CLRN1: variants seen among roughly 807,000 people sequenced by gnomAD.
The protein encoded by CLRN1 is clarin 1.
In CLRN1, 15 loss-of-function variants were observed where a neutral mutation model predicts 18.7. That is an observed-to-expected ratio of 0.80 (90% CI 0.54 to 1.23). The LOEUF is 1.23. CLRN1 is among the 50% of genes most tolerant of loss of function. The pLI is 0.00. For missense variants in CLRN1, 311 were observed against 277.5 expected (o/e 1.12, Z -0.86); for synonymous variants, 104 against 102.9 (o/e 1.01, Z -0.07).
chr3:150,965,685 A>T (rs1266830540), intron 1 of CLRN1, among the ~76,000 whole-genome samples: 3 of 152,172 alleles, frequency 2.0e-5, no homozygotes, highest in Non-Finnish European at 4.4e-5. Context: ...CAGGAGTGCC[A>T]CTTAGAACCT....
At chr3:150,964,828 C>T (rs1227084251) in intron 1 of CLRN1, among the ~76,000 whole-genome samples, 1 of 152,068 alleles carries the variant, frequency 6.6e-6, no homozygotes, top group Non-Finnish European at 1.5e-5. Context: ...CATGTTCTCA[C>T]TCATAAGTGG....
At chr3:150,952,413 T>G (rs536944877) in intron 1 of CLRN1, among the ~76,000 whole-genome samples, 139 of 152,328 alleles carry the variant, frequency 9.1e-4, no homozygotes, top group African/African-American at 3.3e-3. Context: ...GTAGGCAATG[T>G]GCGTCCTGAG....
At position 150,928,201 on chromosome 3, in the gene CLRN1, C is replaced by A. The variant is rs765085056; in HGVS notation, c.434G>T (p.Gly145Val). 1 of 1,613,920 alleles carries A rather than the reference C, an allele frequency of 6.2e-7. No individual in the cohort carries two copies. Among genetic ancestry groups the A allele is most frequent in the Non-Finnish European group, 8.5e-7 (1 of 1,179,972 alleles). The change falls in exon 3 of 3, where the codon GGC becomes GTC. Residue 145 changes from glycine (G) to valine (V), a missense_variant and splice_region_variant. Gly to Val is a moderately radical substitution (Grantham distance 109). Coordinates refer to ENST00000327047, the MANE Select transcript of CLRN1 (RefSeq NM_174878.3). ...TATCATGACAAGACAGCCACAGGAGCCTGCAACAGAAGAAACAAGGTGTTG... is the reference window on the plus strand; with the variant it reads ...TATCATGACAAGACAGCCACAGGAGACTGCAACAGAAGAAACAAGGTGTTG... ...LGLYLLSFIS[G>V]SCGCLVMILF... is the part of the protein sequence containing the mutation.
Position 150,927,888 on chromosome 3 carries a change from G to T in CLRN1, c.*48C>A. ...TGCAAAATTAACCACATCTAAAAGT[G>T]ACCAAAGCAAGTCTACTCCCTTGTA... On this transcript the variant is annotated 3_prime_UTR_variant, in exon 3 of 3. Coordinates refer to ENST00000327047, the MANE Select transcript of CLRN1 (RefSeq NM_174878.3). 2 of 1,609,896 alleles carry T rather than the reference G, an allele frequency of 1.2e-6. No homozygotes were observed. The highest frequency in any genetic ancestry group is 2.2e-5 in the South Asian group (2 of 90,802).
chr3:150,972,648 C>T lies in CLRN1; in HGVS notation c.61G>A (p.Ala21Thr), dbSNP rs1357697792. The change falls in exon 1 of 3, where the codon GCC becomes ACC. Residue 21 changes from alanine (A) to threonine (T), a missense_variant. Ala to Thr is a moderately conservative substitution (Grantham distance 58). Transcript: ENST00000327047. ...CCCAAGGCTGTCACAACTCCGAGGG[C>T]ACATGCAAAACTGAACACTCCGGCC... ...CMAGVFSFAC[A>T]LGVVTALGTP... The T allele has an allele frequency of 1.9e-6, 3 of 1,614,064 alleles. No individual in the cohort carries two copies. The African/African-American group carries it at 4.0e-5, about 22-fold the overall frequency.
intron 1 of CLRN1, among the ~76,000 whole-genome samples, chr3:150,969,487 G>A (rs745387925): frequency 4.6e-4 from 69 of 150,870 alleles, no homozygotes; most frequent in Admixed American, 7.2e-4. Flanking sequence ...CGCCACGCCC[G>A]GCTAATTTTT....
chr3:150,967,585 T>C (rs6796933), intron 1 of CLRN1, among the ~76,000 whole-genome samples: 82,559 of 151,928 alleles, frequency 0.54, 22,445 homozygotes, highest in African/African-American at 0.56. Context: ...GGCTTCCCCT[T>C]TACACACCCC....
chr3:150,950,866 A>T (rs1714449374), intron 1 of CLRN1, among the ~76,000 whole-genome samples: 1 of 152,238 alleles, frequency 6.6e-6, no homozygotes, highest in African/African-American at 2.4e-5. Context: ...AGCACTATTC[A>T]CAATTCTGAA....
chr3:150,943,881 GTTC>G, intron 1 of CLRN1: 1 of 1,614,152 alleles, frequency 6.2e-7, no homozygotes, highest in East Asian at 2.2e-5. Context: ...CAGCCAGCTG[GTTC>G]CTGCACTCGT....
chr3:150,969,249 G>GT (rs1715408708), intron 1 of CLRN1, among the ~76,000 whole-genome samples: 1 of 138,820 alleles, frequency 7.2e-6, no homozygotes, highest in Non-Finnish European at 1.5e-5. Context: ...TTCTAATATG[G>GT]CTACTAGGAC....
intron 1 of CLRN1, among the ~76,000 whole-genome samples, chr3:150,965,620 C>T (rs1576646689): frequency 1.3e-5 from 2 of 152,234 alleles, no homozygotes; most frequent in South Asian, 4.1e-4. Flanking sequence ...ATTGTGAGAA[C>T]AGTTGAGGAG....
intron 1 of CLRN1, among the ~76,000 whole-genome samples, chr3:150,952,178 G>A (rs1714523096): frequency 6.6e-6 from 1 of 152,092 alleles, no homozygotes; most frequent in Admixed American, 6.5e-5. Context: ...AACCTACGAT[G>A]GTTCGATTTT....
At chr3:150,959,577 C>T (rs1026229895) in intron 1 of CLRN1, among the ~76,000 whole-genome samples, 5 of 147,890 alleles carry the variant, frequency 3.4e-5, no homozygotes, top group African/African-American at 1.0e-4. Context: ...TGCAGTGAGC[C>T]GAGATCACAT....
At chr3:150,972,909 C>A, upstream of CLRN1, 1 of 722,544 alleles carries the variant, frequency 1.4e-6, no homozygotes. Context: ...CTTGGCTTTT[C>A]TCCTTTTCTG....
At chr3:150,940,633 C>T in intron 2 of CLRN1, 4 of 1,006,150 alleles carry the variant, frequency 4.0e-6, no homozygotes, top group Admixed American at 2.4e-5. Flanking sequence ...TACTTGCCTC[C>T]CAGGAATCTG....
At chr3:150,945,550 C>A (rs1380501527) in intron 1 of CLRN1, 1 of 1,287,018 alleles carries the variant, frequency 7.8e-7, no homozygotes, top group Non-Finnish European at 1.0e-6. Context: ...TTAGTGCTAT[C>A]CAATAGGGAG....
In CLRN1 at chr3:150,928,244, T is replaced by C. The variant is rs558297538; in HGVS notation, c.434-43A>G. ...AGGTGTTGGGACAAATATTTCCTGA[T>C]TGTAAGGGACAGGGAAGAGGGTCAA... On this transcript the variant is annotated intron_variant, in intron 2 of 2. Transcript: ENST00000327047. The C allele has an allele frequency of 9.3e-6, 15 of 1,611,476 alleles. No homozygotes were observed. In the African/African-American group the frequency reaches 1.9e-4, roughly 20 times the overall value.
chr3:150,959,641 A>C (rs1301775059), intron 1 of CLRN1, among the ~76,000 whole-genome samples: 1 of 152,026 alleles, frequency 6.6e-6, no homozygotes, highest in Non-Finnish European at 1.5e-5. Context: ...AAAAAAAAAA[A>C]AAAAAGGTTA....
intron 2 of CLRN1, among the ~76,000 whole-genome samples, chr3:150,929,895 C>T (rs544696052): frequency 2.4e-3 from 366 of 152,256 alleles, no homozygotes; most frequent in African/African-American, 8.2e-3. Context: ...TTTATGTCTC[C>T]TTTAGGACAG....
Sources: gnomAD v4.1 joint callset for allele counts (sites outside exome capture counted in the v4.1 genomes callset) on GRCh38, gnomAD v4.1.1 for gene constraint, MANE v1.5 for transcripts, NCBI Gene and HGNC (gene_info 2026-07-23, HGNC 2026-07-21) for gene names.